BRF1: variants seen among roughly 807,000 people sequenced by gnomAD.
BRF1 encodes transcription factor IIIB 90 kDa subunit.
In BRF1, 59 loss-of-function variants were observed where a neutral mutation model predicts 81.7. The ratio of observed to expected loss-of-function variants is 0.72; its 90% CI spans 0.59 to 0.90. The LOEUF is 0.90. Among genes scored for constraint, BRF1 ranks in the 40% least tolerant of loss-of-function variants. BRF1 has a pLI of 0.00. For missense variants in BRF1, 1,050 were observed against 936.3 expected, an observed-to-expected ratio of 1.12 and a Z score of -1.58; for synonymous variants, 491 against 395.6, an observed-to-expected ratio of 1.24 and a Z score of -2.86.
intron 5 of BRF1, chr14:105,246,873 G>A (rs2055151530): frequency 6.1e-6 from 6 of 985,400 alleles, no homozygotes; most frequent in South Asian, 4.7e-5. Flanking sequence ...TACCTCTGGC[G>A]GCTCAGCAAT....
At chr14:105,229,455 A>G (rs2054360114) in intron 6 of BRF1, among the ~76,000 whole-genome samples, 1 of 152,210 alleles carries the variant, frequency 6.6e-6, no homozygotes. Flanking sequence ...CTCTGTGGGC[A>G]CGAGGGTAAG....
chr14:105,312,832 G>GGT (rs1260176595), intron 1 of BRF1, among the ~76,000 whole-genome samples: 1 of 152,190 alleles, frequency 6.6e-6, no homozygotes, highest in Non-Finnish European at 1.5e-5. Context: ...CGTGACACAT[G>GGT]GTGTGTTTCG....
chr14:105,287,842 C>T (rs1257962276), intron 1 of BRF1, among the ~76,000 whole-genome samples: 1 of 152,224 alleles, frequency 6.6e-6, no homozygotes, highest in East Asian at 1.9e-4. Flanking sequence ...TTGAAGAGAG[C>T]AAGGGGCAGC....
chr14:105,249,215 C>T, intron 5 of BRF1: 1 of 1,588,024 alleles, frequency 6.3e-7, no homozygotes. Flanking sequence ...CGTGGGGCCC[C>T]CGGGGGCGAC....
At chr14:105,312,912 G>T (rs1029626816) in intron 1 of BRF1, among the ~76,000 whole-genome samples, 1 of 152,160 alleles carries the variant, frequency 6.6e-6, no homozygotes, top group Non-Finnish European at 1.5e-5. Flanking sequence ...GGCCACTCTG[G>T]TACAGACTGT....
intron 5 of BRF1, chr14:105,249,397 T>C: frequency 6.2e-7 from 1 of 1,613,316 alleles, no homozygotes. Context: ...TTCTATGCCA[T>C]GTTCTACGGA....
At chr14:105,268,676 A>G (rs1382504142) in intron 3 of BRF1, among the ~76,000 whole-genome samples, 1 of 152,158 alleles carries the variant, frequency 6.6e-6, no homozygotes. Flanking sequence ...CATGGGCTGG[A>G]CGATACGATA....
intron 4 of BRF1, among the ~76,000 whole-genome samples, chr14:105,254,622 C>T (rs1281780038): frequency 6.6e-6 from 1 of 151,672 alleles, no homozygotes; most frequent in Non-Finnish European, 1.5e-5. Context: ...AGTGCAATGG[C>T]GCAATCGTGA....
At chr14:105,242,046 T>G (rs2054708061) in intron 5 of BRF1, 1 of 152,742 alleles carries the variant, frequency 6.5e-6, no homozygotes, top group African/African-American at 2.4e-5. Flanking sequence ...ATGCCGAGCA[T>G]GAGGCCGGGA....
At chr14:105,291,042 A>G (rs1181511248) in intron 1 of BRF1, among the ~76,000 whole-genome samples, 1 of 152,054 alleles carries the variant, frequency 6.6e-6, no homozygotes, top group Admixed American at 6.5e-5. Flanking sequence ...AACATTTGGT[A>G]TTTTCCATAG....
In BRF1 at chr14:105,209,543, C is replaced by G; in HGVS notation, c.*1008G>C. On this transcript the variant is annotated 3_prime_UTR_variant, in exon 18 of 18. Coordinates refer to ENST00000547530, the MANE Select transcript of BRF1 (RefSeq NM_001519.4). Reference sequence around the variant, plus strand: ...ACACAGGGTGAAGCCCCCTCGGCCACATCCGGGGCAGCCATGCCAGAGCTG... The same window carrying G: ...ACACAGGGTGAAGCCCCCTCGGCCAGATCCGGGGCAGCCATGCCAGAGCTG... 1 of 702,662 alleles carries G rather than the reference C, an allele frequency of 1.4e-6. No homozygotes were observed. The highest frequency in any genetic ancestry group is 2.6e-6 in the Non-Finnish European group (1 of 384,880). 43.5% of individuals were successfully genotyped at this position (702,662 alleles called of 1,614,324 possible).
intron 3 of BRF1, among the ~76,000 whole-genome samples, chr14:105,259,778 C>T (rs2056060147): frequency 6.6e-6 from 1 of 152,140 alleles, no homozygotes; most frequent in Non-Finnish European, 1.5e-5. Flanking sequence ...GACATGGTGG[C>T]GTGCCCCTGT....
In BRF1 at chr14:105,293,599, C is replaced by T. The variant is rs140175079; in HGVS notation, c.184+6847G>A. 9.2e-3 allele frequency among the ~76,000 whole-genome samples: 1,399 copies of T among 152,342 alleles called. 23 individuals are homozygous for T. The highest frequency in any genetic ancestry group is 0.032 in the African/African-American group (1,339 of 41,580). On this transcript the variant is annotated intron_variant, in intron 1 of 17. Transcript: ENST00000547530. ...CTGATGTGGGCTCACAGGGAAGCCC[C>T]GCCTTGCCTCAGTGGAGCAGACGGC... is the stretch of plus-strand genomic sequence containing the variant.
At chr14:105,293,448 G>A (rs1359093203) in intron 1 of BRF1, among the ~76,000 whole-genome samples, 2 of 152,226 alleles carry the variant, frequency 1.3e-5, no homozygotes, top group Non-Finnish European at 2.9e-5. Context: ...ACACTGAGGT[G>A]TGCTGCTCCT....
chr14:105,313,846 G>A lies in BRF1; in HGVS notation c.-162+1476C>T, dbSNP rs1024161484. On this transcript the variant is annotated intron_variant, in intron 1 of 17. Transcript: ENST00000327359. Reference sequence around the variant, plus strand: ...ACCACAGCCGCTGCCAAACAGATGGGGGAAGCACCCTCCCTGAGCCCCAGA... The same window carrying A: ...ACCACAGCCGCTGCCAAACAGATGGAGGAAGCACCCTCCCTGAGCCCCAGA... Among the ~76,000 whole-genome samples the A allele has an allele frequency of 2.0e-5, 3 of 152,336 alleles. No homozygotes were observed. The South Asian group carries it at 6.2e-4, about 32-fold the overall frequency.
intron 1 of BRF1, among the ~76,000 whole-genome samples, chr14:105,287,538 G>C: frequency 6.6e-6 from 1 of 152,200 alleles, no homozygotes; most frequent in Middle Eastern, 3.2e-3. Flanking sequence ...CCACTTGGGG[G>C]AAGGCAAGTG....
intron 2 of BRF1, 88 bp downstream of exon 2, chr14:105,286,208 T>C (rs2057308834): frequency 5.0e-6 from 7 of 1,404,066 alleles, no homozygotes; most frequent in South Asian, 2.4e-5. Context: ...ATGAGGTCCA[T>C]GGCTGAGTCA....
intron 1 of BRF1, among the ~76,000 whole-genome samples, chr14:105,307,118 C>G (rs2058212720): frequency 6.6e-6 from 1 of 151,704 alleles, no homozygotes; most frequent in African/African-American, 2.4e-5. Context: ...GATCATAGCT[C>G]ACTGTCGTCT....
At chr14:105,313,245 G>A (rs978397662) in intron 1 of BRF1, among the ~76,000 whole-genome samples, 1 of 152,248 alleles carries the variant, frequency 6.6e-6, no homozygotes, top group Non-Finnish European at 1.5e-5. Flanking sequence ...CGTACGCTCA[G>A]TTCTGGGGTC....
Sources: allele counts gnomAD v4.1 joint callset (sites outside exome capture counted in the v4.1 genomes callset), GRCh38; gene constraint gnomAD v4.1.1; transcripts MANE v1.5; gene names NCBI Gene and HGNC (gene_info 2026-07-23, HGNC 2026-07-21).